The following CERS3 variants were observed in gnomAD, a reference collection of about 807,000 sequenced individuals.
CERS3 encodes LAG1 homolog, ceramide synthase 3.
A neutral mutation model predicts 50.3 loss-of-function variants in CERS3; 33 were observed. The observed-to-expected ratio is 0.66, with a 90% CI of 0.50 to 0.88. CERS3 has a LOEUF of 0.88. Among genes scored for constraint, CERS3 ranks in the 40% least tolerant of loss-of-function variants. The pLI, the probability that CERS3 is intolerant of heterozygous loss-of-function variation, is 0.00. For missense variants in CERS3, 470 were observed against 460.3 expected, an observed-to-expected ratio of 1.02 and a Z score of -0.19; for synonymous variants, 176 against 155.2, an observed-to-expected ratio of 1.13 and a Z score of -0.99.
chr15:100,408,522 A>T, intron 11 of CERS3: 1 of 152,284 alleles, frequency 6.6e-6, no homozygotes, highest in East Asian at 1.9e-4. Context: ...GTTTTTTGAA[A>T]TTATACTTAT....
intron 11 of CERS3, among the ~76,000 whole-genome samples, chr15:100,408,083 G>A (rs1176896709): frequency 6.6e-6 from 1 of 152,060 alleles, no homozygotes; most frequent in Non-Finnish European, 1.5e-5. Context: ...TGTTGGCCAG[G>A]CTGGTCTTGA....
upstream of CERS3, among the ~76,000 whole-genome samples, chr15:100,533,909 C>T (rs1241936268): frequency 6.6e-6 from 1 of 152,180 alleles, no homozygotes; most frequent in African/African-American, 2.4e-5. Flanking sequence ...TGAAGGAGGT[C>T]AGCTCTACTC....
In CERS3 at chr15:100,424,119, C is replaced by T. The variant is rs141837558; in HGVS notation, c.1000-21254G>A. Among the ~76,000 whole-genome samples the T allele has an allele frequency of 5.3e-3, 799 of 152,070 alleles. 7 individuals carry two copies. Among genetic ancestry groups the T allele is most frequent in the African/African-American group, 0.018 (760 of 41,486 alleles). On this transcript the variant is annotated intron_variant, in intron 11 of 11. Coordinates refer to ENST00000679737, the MANE Select transcript of CERS3 (RefSeq NM_001378789.1). Reference sequence around the variant, plus strand: ...ACCATGCTCAGCTAATTTTGTATTTCTAGTGGAGATGGGGTTTCTCCACGT... The same window carrying T: ...ACCATGCTCAGCTAATTTTGTATTTTTAGTGGAGATGGGGTTTCTCCACGT...
At chr15:100,526,487 T>TGTGTGTGTGTGTGTGTGTGTGTGTGG in intron 1 of CERS3, among the ~76,000 whole-genome samples, 1 of 151,362 alleles carries the variant, frequency 6.6e-6, no homozygotes, top group Admixed American at 6.6e-5. Flanking sequence ...ACTGTGTGTG[T>TGTGTGTGTGTGTGTGTGTGTGTGTGG]GTGTGTGTGT....
chr15:100,504,755 A>G (rs2587781), intron 2 of CERS3, among the ~76,000 whole-genome samples: 149,568 of 152,320 alleles, frequency 0.98, 73,492 homozygotes, highest in East Asian at 1. Flanking sequence ...AAGGTGCAGT[A>G]AGAGCTGTTG....
At chr15:100,470,391 G>GGTGA (rs1459137642) in intron 9 of CERS3, among the ~76,000 whole-genome samples, 8 of 152,230 alleles carry the variant, frequency 5.3e-5, no homozygotes, top group Admixed American at 2.6e-4. Flanking sequence ...ACTACCAAGG[G>GGTGA]GTGAGAATAT....
upstream of CERS3, among the ~76,000 whole-genome samples, chr15:100,531,643 G>C (rs2036941529): frequency 6.6e-6 from 1 of 152,152 alleles, no homozygotes; most frequent in Non-Finnish European, 1.5e-5. Flanking sequence ...AAATGTATCA[G>C]TGCATTGCTA....
chr15:100,490,172 G>A (rs2035609284), intron 4 of CERS3, among the ~76,000 whole-genome samples: 1 of 152,090 alleles, frequency 6.6e-6, no homozygotes, highest in Admixed American at 6.6e-5. Context: ...GACTTACTTA[G>A]ACATTATTTT....
intron 10 of CERS3, among the ~76,000 whole-genome samples, chr15:100,466,211 C>T (rs1292999111): frequency 6.6e-6 from 1 of 152,168 alleles, no homozygotes. Context: ...CCCCGACAAT[C>T]ACTGAGCACC....
At chr15:100,513,327 G>C (rs1483653556) in intron 2 of CERS3, among the ~76,000 whole-genome samples, 6 of 152,110 alleles carry the variant, frequency 3.9e-5, no homozygotes, top group African/African-American at 1.4e-4. Context: ...TCTCCAAAAT[G>C]AGTCCACCTC....
intron 11 of CERS3, among the ~76,000 whole-genome samples, chr15:100,421,489 G>A (rs1434655159): frequency 1.1e-4 from 16 of 152,044 alleles, no homozygotes; most frequent in South Asian, 1.0e-3. Context: ...AAACAATATC[G>A]TGAAAATGGC....
At chr15:100,482,601 T>A (rs56293349) in intron 5 of CERS3, among the ~76,000 whole-genome samples, 58 of 18,536 alleles carry the variant, frequency 3.1e-3, no homozygotes, top group Admixed American at 6.6e-3. Context: ...GGAATTTGAT[T>A]TTTTTTTTTT....
At chr15:100,469,930 T>C (rs2034909821) in intron 9 of CERS3, among the ~76,000 whole-genome samples, 1 of 151,940 alleles carries the variant, frequency 6.6e-6, no homozygotes, top group Admixed American at 6.5e-5. Context: ...TCAAGGAGGC[T>C]ATTTCAAGGC....
At chr15:100,533,023 C>T (rs952941940), upstream of CERS3, among the ~76,000 whole-genome samples, 14 of 152,194 alleles carry the variant, frequency 9.2e-5, no homozygotes, top group African/African-American at 3.4e-4. Context: ...CTTCCCTTCC[C>T]CGCTCCACTC....
At chr15:100,469,296 G>C in intron 10 of CERS3, 82 bp downstream of exon 10, 1 of 973,440 alleles carries the variant, frequency 1.0e-6, no homozygotes, top group Non-Finnish European at 1.6e-6. Context: ...CGTATGGAAA[G>C]GGCAATGCCC....
chr15:100,448,575 C>A (rs967521476), intron 11 of CERS3, among the ~76,000 whole-genome samples: 3 of 152,206 alleles, frequency 2.0e-5, no homozygotes, highest in Non-Finnish European at 4.4e-5. Context: ...CCACATACCC[C>A]CTGAGTCCTA....
At chr15:100,483,768 A>T (rs56816111) in intron 5 of CERS3, among the ~76,000 whole-genome samples, 128,851 of 132,344 alleles carry the variant, frequency 0.97, 62,781 homozygotes, top group East Asian at 1. Context: ...GATCAATAAT[A>T]ATAATAATTA....
chr15:100,442,395 A>G (rs983639367), intron 11 of CERS3, among the ~76,000 whole-genome samples: 4 of 152,210 alleles, frequency 2.6e-5, no homozygotes, highest in Admixed American at 2.0e-4. Context: ...AAGGTGTACA[A>G]TAATAGAATA....
chr15:100,517,309 T>C (rs978673092), intron 2 of CERS3, among the ~76,000 whole-genome samples: 25 of 152,346 alleles, frequency 1.6e-4, no homozygotes, highest in African/African-American at 5.5e-4. Context: ...ATTTCCTCAT[T>C]GATGGCACTG....
Sources: gnomAD v4.1 joint callset for allele counts (sites outside exome capture counted in the v4.1 genomes callset) on GRCh38, gnomAD v4.1.1 for gene constraint, MANE v1.5 for transcripts, NCBI Gene and HGNC (gene_info 2026-07-23, HGNC 2026-07-21) for gene names.